The following MME variants were observed in gnomAD, a reference collection of about 807,000 sequenced individuals.
The protein encoded by MME is membrane metalloendopeptidase, also known as neprilysin.
Under a neutral mutation model 113.2 loss-of-function variants are expected in MME, and 98 were observed. The ratio of observed to expected loss-of-function variants is 0.87; its 90% CI spans 0.74 to 1.02. MME has a LOEUF of 1.02. Among genes scored for constraint, MME ranks in the 50% least tolerant of loss-of-function variants. The pLI is 0.00. For synonymous variants in MME, 292 were observed against 300.6 expected, an observed-to-expected ratio of 0.97 and a Z score of 0.30; for missense variants, 836 against 896.0, an observed-to-expected ratio of 0.93 and a Z score of 0.86.
chr3:155,150,813 G>T (rs1721867122), intron 16 of MME, among the ~76,000 whole-genome samples: 1 of 151,986 alleles, frequency 6.6e-6, no homozygotes, highest in Non-Finnish European at 1.5e-5. Context: ...CTTTAATTTG[G>T]CAATTTAGGT....
intron 8 of MME, among the ~76,000 whole-genome samples, chr3:155,136,632 G>C (rs1720657141): frequency 6.6e-6 from 1 of 152,060 alleles, no homozygotes; most frequent in Admixed American, 6.6e-5. Flanking sequence ...TAATAATTTT[G>C]TACATTTTTC....
At chr3:155,146,136 T>C (rs1025214817) in intron 14 of MME, among the ~76,000 whole-genome samples, 3 of 151,178 alleles carry the variant, frequency 2.0e-5, no homozygotes, top group Non-Finnish European at 4.4e-5. Flanking sequence ...AGAAATAAAA[T>C]AAAAATAGAA....
At chr3:155,024,702 C>A (rs116285405) in intron 1 of MME, among the ~76,000 whole-genome samples, 2,877 of 152,182 alleles carry the variant, frequency 0.019, 95 homozygotes, top group African/African-American at 0.066. Flanking sequence ...CTGATTTGGT[C>A]ATTTTTGGTG....
At chr3:155,129,341 C>G (rs1719952219) in intron 8 of MME, among the ~76,000 whole-genome samples, 1 of 152,148 alleles carries the variant, frequency 6.6e-6, no homozygotes, top group Non-Finnish European at 1.5e-5. Flanking sequence ...CCCAGGTCTT[C>G]TTTGATCCTT....
At chr3:155,160,364 G>C in intron 16 of MME, 26 bp from the exon 17 acceptor site, 1 of 1,518,458 alleles carries the variant, frequency 6.6e-7, no homozygotes, top group Non-Finnish European at 9.1e-7. Flanking sequence ...AGTATCATTT[G>C]TAAAGAGTTC....
chr3:155,155,474 A>C (rs1231440262), intron 16 of MME, among the ~76,000 whole-genome samples: 3 of 152,100 alleles, frequency 2.0e-5, no homozygotes, highest in African/African-American at 4.8e-5. Context: ...ACAGGATGAA[A>C]TGGGTCAGCA....
At chr3:155,089,060 G>C (rs938186066) in intron 3 of MME, among the ~76,000 whole-genome samples, 1 of 152,138 alleles carries the variant, frequency 6.6e-6, no homozygotes, top group Non-Finnish European at 1.5e-5. Flanking sequence ...AAATATTTAT[G>C]ATGTACATAA....
chr3:155,058,583 T>C (rs908050942), intron 1 of MME, among the ~76,000 whole-genome samples: 5 of 152,028 alleles, frequency 3.3e-5, no homozygotes, highest in African/African-American at 2.4e-5. Flanking sequence ...ACTTAATAAT[T>C]AGGAAAAGAA....
intron 1 of MME, among the ~76,000 whole-genome samples, chr3:155,052,799 T>C (rs1236352975): frequency 6.6e-6 from 1 of 152,244 alleles, no homozygotes; most frequent in Admixed American, 6.5e-5. Flanking sequence ...GCAGCAGGCT[T>C]AAATTTCTCC....
At chr3:155,058,060 G>A (rs562815520) in intron 1 of MME, among the ~76,000 whole-genome samples, 14 of 151,810 alleles carry the variant, frequency 9.2e-5, no homozygotes, top group Non-Finnish European at 1.3e-4. Flanking sequence ...CTATATATTC[G>A]AAGGTACACC....
chr3:155,124,179 T>C (rs1219268131), intron 8 of MME, among the ~76,000 whole-genome samples: 4 of 151,324 alleles, frequency 2.6e-5, no homozygotes, highest in Non-Finnish European at 5.9e-5. Flanking sequence ...TCATCTTCCA[T>C]TGCTGATACC....
chr3:155,163,405 A>C (rs1722854772), intron 17 of MME, among the ~76,000 whole-genome samples: 2 of 152,190 alleles, frequency 1.3e-5, no homozygotes, highest in Non-Finnish European at 2.9e-5. Flanking sequence ...CCTACTCTTC[A>C]TATCAACAAA....
At chr3:155,145,153 G>A (rs935487195) in intron 14 of MME, among the ~76,000 whole-genome samples, 5 of 152,114 alleles carry the variant, frequency 3.3e-5, no homozygotes, top group African/African-American at 1.2e-4. Context: ...TAGAACCTCT[G>A]CCCCCAGTAT....
intron 8 of MME, 78 bp downstream of exon 8, chr3:155,118,889 C>G (rs1453323801): frequency 9.2e-6 from 9 of 977,648 alleles, no homozygotes; most frequent in Non-Finnish European, 1.4e-5. Flanking sequence ...AAAGATAAAG[C>G]CAAATTAAAT....
intron 16 of MME, among the ~76,000 whole-genome samples, chr3:155,159,617 A>AT (rs919980087): frequency 6.6e-6 from 1 of 151,672 alleles, no homozygotes; most frequent in Non-Finnish European, 1.5e-5. Context: ...TCTGGGAGCC[A>AT]TTTTTTTCCA....
At chr3:155,134,951 G>A (rs893129019) in intron 8 of MME, among the ~76,000 whole-genome samples, 1 of 152,056 alleles carries the variant, frequency 6.6e-6, no homozygotes, top group Non-Finnish European at 1.5e-5. Context: ...AGAAGTGTCT[G>A]TTCCTGTCTT....
intron 1 of MME, among the ~76,000 whole-genome samples, chr3:155,026,830 GCTGTAGAAACA>G (rs1390264776): frequency 2.0e-5 from 3 of 152,148 alleles, no homozygotes; most frequent in Non-Finnish European, 4.4e-5. Context: ...CATAAATAAA[GCTGTAGAAACA>G]CAAATGTCCA....
chr3:155,103,961 T>G (rs1291905445), intron 3 of MME, among the ~76,000 whole-genome samples: 1 of 152,190 alleles, frequency 6.6e-6, no homozygotes, highest in Non-Finnish European at 1.5e-5. Context: ...ACTTATCAAC[T>G]GAATACAGTA....
In MME at chr3:155,140,369, C is replaced by T. The variant is rs28758831; in HGVS notation, c.957+77C>T. The T allele has an allele frequency of 0.15, 116,730 of 777,042 alleles. 9,133 individuals are homozygous for T. Among genetic ancestry groups the T allele is most frequent in the Non-Finnish European group, 0.16 (77,808 of 475,342 alleles). The allele number at this position is 777,042 out of a possible 1,614,324, so 48.1% of individuals were successfully genotyped here. ...ACATTGAAATACTCTTTCTAAAATT[C>T]GTCAAGTTTTTATTTATTGAAGTAA... On this transcript the variant is annotated intron_variant, in intron 10 of 22. Transcript: ENST00000360490.
Sources: allele counts gnomAD v4.1 joint callset (sites outside exome capture counted in the v4.1 genomes callset), GRCh38; gene constraint gnomAD v4.1.1; transcripts MANE v1.5; gene names NCBI Gene and HGNC (gene_info 2026-07-23, HGNC 2026-07-21).